The following ZMYM2 variants were observed in gnomAD, a reference collection of about 807,000 sequenced individuals.
ZMYM2 encodes the protein zinc finger MYM-type protein 2.
A neutral mutation model predicts 162.8 loss-of-function variants in ZMYM2; 56 were observed. The ratio of observed to expected loss-of-function variants is 0.34; its 90% CI spans 0.28 to 0.43. The LOEUF (loss-of-function observed/expected upper bound fraction) is 0.43, where lower values mean the gene tolerates loss of function less well. Ranked by LOEUF, ZMYM2 falls within the 20% of genes least tolerant of loss-of-function variation. The pLI, the probability that ZMYM2 is intolerant of heterozygous loss-of-function variation, is 1.00. For synonymous variants in ZMYM2, 510 were observed against 541.6 expected, an observed-to-expected ratio of 0.94 and a Z score of 0.81; for missense variants, 1,275 against 1,621.8, an observed-to-expected ratio of 0.79 and a Z score of 3.67.
chr13:20,002,267 T>C (rs559658469), intron 3 of ZMYM2, among the ~76,000 whole-genome samples: 2 of 152,244 alleles, frequency 1.3e-5, no homozygotes, highest in Admixed American at 6.5e-5. Context: ...TAAAGTGATA[T>C]TTTATAAATA....
chr13:19,952,355 C>T, the ZMYM2 span, among the ~76,000 whole-genome samples: 2 of 152,014 alleles, frequency 1.3e-5, no homozygotes, highest in Admixed American at 1.3e-4. Context: ...AAATCAATAA[C>T]AGTATATTGT....
chr13:20,040,054 T>C (rs942889268), intron 12 of ZMYM2, among the ~76,000 whole-genome samples: 1 of 152,188 alleles, frequency 6.6e-6, no homozygotes, highest in Non-Finnish European at 1.5e-5. Context: ...TTTTCTTTTC[T>C]GGTTGTGTCT....
chr13:19,870,500 TCCCTC>T, the ZMYM2 span, among the ~76,000 whole-genome samples: 2 of 143,378 alleles, frequency 1.4e-5, no homozygotes, highest in African/African-American at 5.2e-5. Context: ...TCCCTTCCCT[TCCCTC>T]CCTCCCTCCC....
At chr13:20,002,493 T>C (rs1441656659) in intron 3 of ZMYM2, among the ~76,000 whole-genome samples, 1 of 152,232 alleles carries the variant, frequency 6.6e-6, no homozygotes, top group Non-Finnish European at 1.5e-5. Flanking sequence ...TTTCTTTTAA[T>C]TAATTTTTTA....
chr13:19,911,652 TA>T, the ZMYM2 span, among the ~76,000 whole-genome samples: 1 of 152,168 alleles, frequency 6.6e-6, no homozygotes, highest in East Asian at 1.9e-4. Flanking sequence ...AATAGAGTTT[TA>T]GCTGAAGTCC....
intron 24 of ZMYM2, among the ~76,000 whole-genome samples, chr13:20,085,523 C>T (rs546148566): frequency 6.6e-6 from 1 of 152,244 alleles, no homozygotes; most frequent in East Asian, 1.9e-4. Context: ...TAAATTGTTG[C>T]ATCTTGAAAT....
chr13:20,079,238 G>C (rs1566471862), intron 21 of ZMYM2, among the ~76,000 whole-genome samples: 1 of 134,892 alleles, frequency 7.4e-6, no homozygotes, highest in Non-Finnish European at 1.5e-5. Flanking sequence ...AGAATCGCTT[G>C]AACCCTGGAG....
chr13:19,877,227 A>AC, the ZMYM2 span, among the ~76,000 whole-genome samples: 3 of 151,872 alleles, frequency 2.0e-5, no homozygotes, highest in East Asian at 1.9e-4. Context: ...AAAAAAAAAA[A>AC]ACAAAGAAGT....
intron 6 of ZMYM2, among the ~76,000 whole-genome samples, chr13:20,014,024 T>A (rs1292829529): frequency 6.6e-6 from 1 of 152,142 alleles, no homozygotes; most frequent in Non-Finnish European, 1.5e-5. Flanking sequence ...TTTGGTAGAA[T>A]TTACCTGTGA....
intron 11 of ZMYM2, 122 bp downstream of exon 11, chr13:20,034,526 G>T (rs111336365): frequency 1.1e-6 from 1 of 918,292 alleles, no homozygotes; most frequent in Non-Finnish European, 1.5e-6. Context: ...TTGAGTTTAC[G>T]TTTCTACTGA....
the ZMYM2 span, among the ~76,000 whole-genome samples, chr13:19,903,459 G>A: frequency 6.1e-4 from 63 of 103,334 alleles, 1 homozygote; most frequent in African/African-American, 2.1e-3. Context: ...CCAACATGGT[G>A]AAACCCCATC....
chr13:20,010,564 C>T (rs1951090724), intron 6 of ZMYM2, among the ~76,000 whole-genome samples: 1 of 152,098 alleles, frequency 6.6e-6, no homozygotes, highest in African/African-American at 2.4e-5. Context: ...AGTATCTATT[C>T]AAGTCCTGTC....
the ZMYM2 span, among the ~76,000 whole-genome samples, chr13:19,871,364 TAAAA>T: frequency 6.6e-6 from 1 of 152,174 alleles, no homozygotes; most frequent in African/African-American, 2.4e-5. Context: ...TACTTATTGA[TAAAA>T]AAAGAACAAT....
chr13:20,037,043 C>A lies in ZMYM2; in HGVS notation c.2292+134C>A, dbSNP rs899607793. On this transcript the variant is annotated intron_variant, in intron 12 of 24. Transcript: ENST00000610343. ...AAGGCCCAGCCCTGATAATACTATTCATTAAAATTGTCTTGTCATTTCTGC... is the reference window on the plus strand; with the variant it reads ...AAGGCCCAGCCCTGATAATACTATTAATTAAAATTGTCTTGTCATTTCTGC... The A allele has an allele frequency of 1.2e-5, 9 of 730,154 alleles. No individual in the cohort carries two copies. In the African/African-American group the frequency reaches 1.7e-4, roughly 13 times the overall value. 45.2% of individuals were successfully genotyped at this position (730,154 alleles called of 1,614,324 possible).
chr13:19,926,505 G>A, the ZMYM2 span, among the ~76,000 whole-genome samples: 176 of 150,882 alleles, frequency 1.2e-3, 1 homozygote, highest in Non-Finnish European at 1.0e-3. Flanking sequence ...CTGGGATTAC[G>A]GGCATGGGCC....
In ZMYM2 at chr13:20,059,467, T is replaced by C. The variant is rs1956070551; in HGVS notation, c.2644T>C (p.Tyr882His). The change falls in exon 16 of 25, where the codon TAT becomes CAT. Residue 882 changes from tyrosine (Y) to histidine (H), a missense_variant. This residue lies in a region of ZMYM2 where 177 missense variants were observed against 228.0 expected (regional missense o/e 0.78). Coordinates refer to ENST00000610343, the MANE Select transcript of ZMYM2 (RefSeq NM_197968.4). ...TTTAGATGATACTTGGAGGACAGAA[T>C]ATGTTCCAGTGCCTATCCCTGTGCC... ...CQTDDTWRTE[Y>H]VPVPIPVPVY... 1 of 1,612,112 alleles carries C rather than the reference T, an allele frequency of 6.2e-7. No homozygotes were observed. The highest frequency in any genetic ancestry group is 8.5e-7 in the Non-Finnish European group (1 of 1,178,212).
chr13:20,029,203 A>G (rs191274788), intron 9 of ZMYM2, among the ~76,000 whole-genome samples: 21 of 152,358 alleles, frequency 1.4e-4, no homozygotes, highest in Admixed American at 7.2e-4. Context: ...TTGAAGGTCT[A>G]TTCCTCATAG....
At chr13:20,044,531 C>G (rs553516612) in intron 12 of ZMYM2, among the ~76,000 whole-genome samples, 1 of 152,314 alleles carries the variant, frequency 6.6e-6, no homozygotes, top group South Asian at 2.1e-4. Flanking sequence ...CGGGGCAGCT[C>G]TTCTACCTGG....
the ZMYM2 span, among the ~76,000 whole-genome samples, chr13:19,885,147 A>G: frequency 2.6e-5 from 4 of 152,148 alleles, no homozygotes; most frequent in African/African-American, 9.7e-5. Flanking sequence ...GTCAGTGTGT[A>G]TCTGTAGTCC....
Sources: allele counts gnomAD v4.1 joint callset (sites outside exome capture counted in the v4.1 genomes callset), GRCh38; gene constraint gnomAD v4.1.1; regional missense constraint gnomAD v4.1.1; transcripts MANE v1.5; gene names NCBI Gene and HGNC (gene_info 2026-07-23, HGNC 2026-07-21).